The following ASIC2 variants were observed in gnomAD, a reference collection of about 807,000 sequenced individuals.
ASIC2 encodes acid-sensing ion channel 2.
ASIC2 carries 25 observed loss-of-function variants against 57.3 expected under a neutral mutation model. That is an observed-to-expected ratio of 0.44 (90% CI 0.32 to 0.61). The LOEUF is 0.61. Among genes scored for constraint, ASIC2 ranks in the 20% least tolerant of loss-of-function variants. ASIC2 has a pLI of 0.06. For synonymous variants in ASIC2, 319 were observed against 307.5 expected (o/e 1.04, Z -0.39); for missense variants, 641 against 738.1 (o/e 0.87, Z 1.52).
chr17:33,013,635 T>G lies in ASIC2; in HGVS notation c.*330A>C. 1 of 323,690 alleles carries G rather than the reference T, an allele frequency of 3.1e-6. No individual in the cohort carries two copies. The highest frequency in any genetic ancestry group is 5.9e-5 in the East Asian group (1 of 17,008). The allele number at this position is 323,690 out of a possible 1,614,324, so 20.1% of individuals were successfully genotyped here. A position where few individuals can be genotyped will look rare whatever the true frequency, so the allele number is the denominator to read the frequency against. On this transcript the variant is annotated 3_prime_UTR_variant, in exon 10 of 10. Coordinates refer to ENST00000225823, the MANE Select transcript of ASIC2 (RefSeq NM_183377.2). ...CTGGAAACCGCGTGGAGGAGTGTCA[T>G]GTACAAGACAGACGTGGAGGTGGCG...
intron 1 of ASIC2, among the ~76,000 whole-genome samples, chr17:33,241,676 A>G (rs1272829189): frequency 1.3e-5 from 2 of 152,208 alleles, no homozygotes; most frequent in African/African-American, 4.8e-5. Context: ...AGACTGTAAC[A>G]ATCCTGTGGC....
At chr17:33,553,968 C>T (rs867771129) in intron 1 of ASIC2, among the ~76,000 whole-genome samples, 1 of 152,134 alleles carries the variant, frequency 6.6e-6, no homozygotes. Flanking sequence ...TTTTCCCCTG[C>T]AGTTGAGTTC....
At chr17:33,159,630 G>C (rs901084507) in intron 1 of ASIC2, among the ~76,000 whole-genome samples, 1 of 152,164 alleles carries the variant, frequency 6.6e-6, no homozygotes, top group Non-Finnish European at 1.5e-5. Flanking sequence ...AGGACTTTGG[G>C]TCCTAACGAA....
intron 1 of ASIC2, among the ~76,000 whole-genome samples, chr17:33,933,232 A>G (rs1286092170): frequency 6.6e-6 from 1 of 152,212 alleles, no homozygotes; most frequent in Non-Finnish European, 1.5e-5. Context: ...CAAAGAAGCC[A>G]TCCCTGATTC....
chr17:33,914,289 G>GT (rs1367802992), intron 1 of ASIC2, among the ~76,000 whole-genome samples: 1 of 152,218 alleles, frequency 6.6e-6, no homozygotes, highest in Non-Finnish European at 1.5e-5. Flanking sequence ...AGTTGGCCCT[G>GT]TAGGGTGGTG....
chr17:33,344,356 C>G (rs1167839461), intron 1 of ASIC2, among the ~76,000 whole-genome samples: 1 of 152,148 alleles, frequency 6.6e-6, no homozygotes, highest in Non-Finnish European at 1.5e-5. Flanking sequence ...GCAGCAGCAT[C>G]CAGGCACATA....
At chr17:33,984,167 G>A (rs1047185035) in intron 1 of ASIC2, 2 of 152,218 alleles carry the variant, frequency 1.3e-5, no homozygotes, top group African/African-American at 4.8e-5. Context: ...CCTCTCCAAT[G>A]GAGGGGAGTG....
chr17:33,026,022 AACATT>A, intron 4 of ASIC2, 40 bp from the exon 5 acceptor site: 1 of 1,605,796 alleles, frequency 6.2e-7, no homozygotes, highest in Non-Finnish European at 8.5e-7. Flanking sequence ...CTCAGGCAGG[AACATT>A]CATGTCAGCA....
intron 1 of ASIC2, among the ~76,000 whole-genome samples, chr17:34,100,978 G>A (rs1393668965): frequency 1.3e-5 from 2 of 152,188 alleles, no homozygotes; most frequent in Non-Finnish European, 2.9e-5. Context: ...AGTTTTATCA[G>A]CTGTAAAAGG....
At chr17:33,618,446 G>C (rs988880972) in intron 1 of ASIC2, among the ~76,000 whole-genome samples, 1 of 152,128 alleles carries the variant, frequency 6.6e-6, no homozygotes, top group Admixed American at 6.5e-5. Flanking sequence ...TGTTGAATTA[G>C]TAGAGAATAT....
chr17:33,392,170 TCTTCCTTC>T (rs1281226603), intron 1 of ASIC2, among the ~76,000 whole-genome samples: 62 of 128,872 alleles, frequency 4.8e-4, no homozygotes, highest in African/African-American at 1.8e-3. Context: ...TCTTTTCCTT[TCTTCCTTC>T]CTTCCTTCCT....
intron 1 of ASIC2, among the ~76,000 whole-genome samples, chr17:34,154,228 A>C (rs1904631467): frequency 6.6e-6 from 1 of 152,222 alleles, no homozygotes; most frequent in African/African-American, 2.4e-5. Context: ...GGCGCTAGAA[A>C]GAACGGGGTG....
intron 1 of ASIC2, among the ~76,000 whole-genome samples, chr17:33,115,084 C>T (rs1286528475): frequency 6.6e-6 from 1 of 152,186 alleles, no homozygotes; most frequent in Non-Finnish European, 1.5e-5. Flanking sequence ...CCTTGACTGC[C>T]TCCTTGCTAG....
chr17:33,095,221 C>T (rs2092173595), intron 2 of ASIC2, among the ~76,000 whole-genome samples: 1 of 152,132 alleles, frequency 6.6e-6, no homozygotes, highest in Non-Finnish European at 1.5e-5. Context: ...TTTTATGTTC[C>T]TCTTTGCTCA....
rs546266857 is a variant in ASIC2 at position 33,710,425 on chromosome 17, G to A, written c.555+445553C>T. ...ACTGGATAATGGAGGAAACAGGTCC[G>A]GAAATCCACAACCACTCTGTAGGAG... On this transcript the variant is annotated intron_variant, in intron 1 of 9. Coordinates refer to the ASIC2 transcript ENST00000359872. 3.0e-4 allele frequency among the ~76,000 whole-genome samples: 45 copies of A among 152,284 alleles called. No homozygotes were observed. The South Asian group carries it at 6.4e-3, about 22-fold the overall frequency.
intron 1 of ASIC2, among the ~76,000 whole-genome samples, chr17:33,749,702 G>A (rs1015762210): frequency 4.6e-5 from 7 of 152,038 alleles, no homozygotes; most frequent in East Asian, 1.9e-4. Flanking sequence ...AGCTTGCCCC[G>A]GCCTGACACA....
chr17:33,823,597 A>G (rs1441486523), intron 1 of ASIC2, among the ~76,000 whole-genome samples: 1 of 152,186 alleles, frequency 6.6e-6, no homozygotes, highest in South Asian at 2.1e-4. Context: ...TCTGATTAGT[A>G]TCGGCCACAC....
intron 1 of ASIC2, among the ~76,000 whole-genome samples, chr17:33,209,163 C>T (rs944445647): frequency 3.9e-5 from 6 of 152,180 alleles, no homozygotes; most frequent in Non-Finnish European, 7.4e-5. Flanking sequence ...ACATGACATC[C>T]GTTAGGGTTT....
chr17:33,439,985 C>T (rs1020006301), intron 1 of ASIC2, among the ~76,000 whole-genome samples: 18 of 152,132 alleles, frequency 1.2e-4, no homozygotes, highest in African/African-American at 3.9e-4. Flanking sequence ...AGGCTTTAGG[C>T]TTCTTATTTT....
Sources: allele counts gnomAD v4.1 joint callset (sites outside exome capture counted in the v4.1 genomes callset), GRCh38; gene constraint gnomAD v4.1.1; transcripts MANE v1.5; gene names NCBI Gene and HGNC (gene_info 2026-07-23, HGNC 2026-07-21).